Variants in MLLT10 observed in about 807,000 individuals in gnomAD.
MLLT10 encodes protein AF-10.
Under a neutral mutation model 129.1 loss-of-function variants are expected in MLLT10, and 30 were observed. That is an observed-to-expected ratio of 0.23 (90% CI 0.17 to 0.32). The LOEUF (loss-of-function observed/expected upper bound fraction) is 0.32. Ranked by LOEUF, MLLT10 falls within the 10% of genes least tolerant of loss-of-function variation. The pLI, the probability that MLLT10 is intolerant of heterozygous loss-of-function variation, is 1.00. For missense variants in MLLT10, 1,119 were observed against 1,268.3 expected, an observed-to-expected ratio of 0.88 and a Z score of 1.79; for synonymous variants, 490 against 446.4, an observed-to-expected ratio of 1.10 and a Z score of -1.23.
In MLLT10 at chr10:21,546,410, CT is replaced by C. The variant is rs775175360; in HGVS notation, c.240+7510del. ...GACATTTTAGATTGTAAATATTCTA[CT>C]TTTTTTTTTTTGAGATGGAGTCTCA... is the stretch of plus-strand genomic sequence containing the variant. On this transcript the variant is annotated intron_variant, in intron 3 of 22. Transcript: ENST00000307729. Among the ~76,000 whole-genome samples, 673 of 136,622 alleles carry C rather than the reference CT, an allele frequency of 4.9e-3. 2 individuals carry two copies. The highest frequency in any genetic ancestry group is 8.2e-3 in the South Asian group (35 of 4,258). The allele number at this position is 136,622 out of a possible 152,430, so 89.6% of individuals were successfully genotyped here.
chr10:21,539,621 A>G (rs187586627), intron 3 of MLLT10, among the ~76,000 whole-genome samples: 103 of 152,022 alleles, frequency 6.8e-4, no homozygotes, highest in Non-Finnish European at 1.4e-3. Flanking sequence ...CAAATACAAA[A>G]ATTAGCTGGG....
rs550758680 is a variant in MLLT10, at chr10:21,728,469, G to T, written c.2063+541G>T. 3.9e-5 allele frequency among the ~76,000 whole-genome samples: 6 copies of T among 152,280 alleles called. No individual in the cohort carries two copies. The East Asian group carries it at 9.6e-4, about 24-fold the overall frequency. ...TTAAAATCTAATTAATATATTTGGG[G>T]TTATCAAACTGCATATTCCTTCTGT... On this transcript the variant is annotated intron_variant, in intron 16 of 22. Transcript: ENST00000307729.
intron 8 of MLLT10, among the ~76,000 whole-genome samples, chr10:21,642,431 C>G (rs2048098958): frequency 6.6e-6 from 1 of 152,074 alleles, no homozygotes; most frequent in African/African-American, 2.4e-5. Context: ...CTGAGGCGGG[C>G]AGATTACCTG....
Position 21,733,808 on chromosome 10 carries a change from C to T in MLLT10, c.2537C>T (p.Ala846Val), listed in dbSNP as rs373769913. The change falls in exon 20 of 23, where the codon GCT (alanine) becomes GTT (valine). Residue 846 changes from alanine to valine, a missense_variant. Coordinates refer to ENST00000307729, the MANE Select transcript of MLLT10 (RefSeq NM_001195626.3). ...SSGQSTSSSS[A>V]LSTPPPAGQS... ...GGACAAAGTACCAGCAGCTCATCAG[C>T]TCTTTCTACCCCACCTCCTGCTGGG... The T allele has an allele frequency of 3.0e-5, 49 of 1,614,050 alleles. 3 individuals are homozygous for T. The South Asian group carries it at 5.3e-4, about 17-fold the overall frequency.
intron 5 of MLLT10, among the ~76,000 whole-genome samples, chr10:21,612,014 A>G (rs2044705695): frequency 6.6e-6 from 1 of 152,204 alleles, no homozygotes; most frequent in Admixed American, 6.5e-5. Context: ...ATCAGTCTTG[A>G]TGACAAGGTG....
chr10:21,706,994 C>A (rs544316107), intron 13 of MLLT10, among the ~76,000 whole-genome samples: 3 of 152,020 alleles, frequency 2.0e-5, no homozygotes, highest in Non-Finnish European at 4.4e-5. Flanking sequence ...GTATGAACTC[C>A]TCTTCTAGGA....
At chr10:21,606,397 C>T (rs1197272846) in intron 5 of MLLT10, among the ~76,000 whole-genome samples, 5 of 152,166 alleles carry the variant, frequency 3.3e-5, no homozygotes, top group Non-Finnish European at 7.4e-5. Context: ...AAACACCTTT[C>T]GAAAGGCTAT....
At chr10:21,625,837 A>G in intron 8 of MLLT10, 1 of 775,350 alleles carries the variant, frequency 1.3e-6, no homozygotes, top group Admixed American at 1.7e-5. Flanking sequence ...TATTCTGACC[A>G]GACAGTGGAT....
chr10:21,741,784 T>C (rs772659585), intron 22 of MLLT10, among the ~76,000 whole-genome samples, 155 bp from the exon 23 acceptor site: 8 of 152,252 alleles, frequency 5.3e-5, no homozygotes, highest in Non-Finnish European at 1.2e-4. Flanking sequence ...AGTAAATTCA[T>C]GTCTATATAT....
At chr10:21,627,126 C>G (rs2046529130) in intron 8 of MLLT10, among the ~76,000 whole-genome samples, 1 of 152,070 alleles carries the variant, frequency 6.6e-6, no homozygotes, top group Non-Finnish European at 1.5e-5. Context: ...GTACTACTCA[C>G]TCATTCCAAA....
At chr10:21,706,792 A>G (rs985762496) in intron 13 of MLLT10, among the ~76,000 whole-genome samples, 3 of 152,062 alleles carry the variant, frequency 2.0e-5, no homozygotes, top group African/African-American at 7.2e-5. Context: ...AGTCTAAACA[A>G]TGTTCTTCTG....
At chr10:21,652,103 G>A (rs1353449381) in intron 9 of MLLT10, among the ~76,000 whole-genome samples, 1 of 151,496 alleles carries the variant, frequency 6.6e-6, no homozygotes, top group Non-Finnish European at 1.5e-5. Context: ...TAGTAGAGAC[G>A]GGGTTTCACT....
At chr10:21,693,988 T>G (rs529339471) in intron 13 of MLLT10, among the ~76,000 whole-genome samples, 4 of 152,338 alleles carry the variant, frequency 2.6e-5, no homozygotes, top group African/African-American at 9.6e-5. Context: ...TTTGGTTTTC[T>G]GTTTTTCTTT....
intron 3 of MLLT10, among the ~76,000 whole-genome samples, chr10:21,554,806 G>C (rs115654224): frequency 0.028 from 4,262 of 150,396 alleles, 196 homozygotes; most frequent in African/African-American, 0.097. Context: ...TTCTTCCTTT[G>C]TTTGTTTTTC....
In MLLT10 at chr10:21,534,656, C is replaced by T; in HGVS notation, c.12C>T (p.Ser4=). The change falls in exon 2 of 23, where the codon AGC becomes AGT. Residue 4 remains serine, a synonymous_variant. Coordinates refer to ENST00000307729, the MANE Select transcript of MLLT10 (RefSeq NM_001195626.3). Reference sequence around the variant, plus strand: ...CAACTCCCTCTTAGATGGTCTCTAGCGACCGGCCCGTGTCACTGGAGGACG... The same window carrying T: ...CAACTCCCTCTTAGATGGTCTCTAGTGACCGGCCCGTGTCACTGGAGGACG... MVS[S]DRPVSLEDEV... is the part of the protein sequence containing the mutation. The T allele has an allele frequency of 6.2e-7, 1 of 1,609,024 alleles. No individual in the cohort carries two copies. The highest frequency in any genetic ancestry group is 8.5e-7 in the Non-Finnish European group (1 of 1,177,318).
Position 21,734,016 on chromosome 10 carries a change from T to A in MLLT10, c.2745T>A (p.Ala915=). 1 of 1,614,222 alleles carries A rather than the reference T, an allele frequency of 6.2e-7. No individual in the cohort carries two copies. Among genetic ancestry groups the A allele is most frequent in the Non-Finnish European group, 8.5e-7 (1 of 1,180,048 alleles). Reference sequence around the variant, plus strand: ...TGGCAATTAATGGCATTGTAGGAGCTTTAAATGGGGTTATGCAGACTCCTG... The same window carrying A: ...TGGCAATTAATGGCATTGTAGGAGCATTAAATGGGGTTATGCAGACTCCTG... ...NQLAINGIVG[A]LNGVMQTPVT... Residue 915 remains alanine (A), a synonymous_variant, in exon 20 of 23, where the codon GCT becomes GCA. Coordinates refer to ENST00000307729, the MANE Select transcript of MLLT10 (RefSeq NM_001195626.3).
intron 13 of MLLT10, among the ~76,000 whole-genome samples, chr10:21,701,891 G>A (rs2054955242): frequency 6.6e-6 from 1 of 151,168 alleles, no homozygotes; most frequent in Non-Finnish European, 1.5e-5. Context: ...ACCTGGTTAT[G>A]TTATTTCTCT....
chr10:21,571,211 C>G (rs544767897), intron 3 of MLLT10, among the ~76,000 whole-genome samples: 1 of 152,290 alleles, frequency 6.6e-6, no homozygotes, highest in African/African-American at 2.4e-5. Flanking sequence ...ACCTCTAATT[C>G]TTTTGGTGAT....
intron 3 of MLLT10, among the ~76,000 whole-genome samples, chr10:21,550,910 G>A (rs1269309291): frequency 1.3e-5 from 1 of 78,078 alleles, no homozygotes; most frequent in Non-Finnish European, 2.7e-5. Flanking sequence ...ATTGTTTTCA[G>A]ATTTCTTTTA....
Sources: allele counts gnomAD v4.1 joint callset (sites outside exome capture counted in the v4.1 genomes callset), GRCh38; gene constraint gnomAD v4.1.1; transcripts MANE v1.5; gene names NCBI Gene and HGNC (gene_info 2026-07-23, HGNC 2026-07-21).